Variants in ZNF138 observed in about 807,000 individuals in gnomAD.
The protein encoded by ZNF138 is zinc finger protein 138 (clone pHZ-32).
ZNF138 carries 33 observed loss-of-function variants against 33.0 expected under a neutral mutation model. The observed-to-expected ratio is 1.00, with a 90% CI of 0.76 to 1.34. The LOEUF is 1.34. Ranked by LOEUF, ZNF138 falls within the 40% of genes most tolerant of loss-of-function variation. ZNF138 has a pLI of 0.00. For missense variants in ZNF138, 360 were observed against 370.8 expected (o/e 0.97, Z 0.24); for synonymous variants, 139 against 120.4 (o/e 1.15, Z -1.01).
At chr7:64,814,851 A>G in intron 1 of ZNF138, 67 bp from the exon 2 acceptor site, 1 of 1,597,058 alleles carries the variant, frequency 6.3e-7, no homozygotes, top group South Asian at 1.1e-5. Context: ...CCTTGAGTCA[A>G]ATTTAAAATT....
chr7:64,860,199 T>C, the ZNF138 span, among the ~76,000 whole-genome samples: 3 of 152,212 alleles, frequency 2.0e-5, no homozygotes, highest in Non-Finnish European at 4.4e-5. Flanking sequence ...ACTGTCATAT[T>C]TTTATGTTTA....
chr7:64,803,258 G>GTTTTTTT (rs60101981), intron 1 of ZNF138, among the ~76,000 whole-genome samples: 20 of 113,050 alleles, frequency 1.8e-4, no homozygotes, highest in African/African-American at 6.3e-4. Context: ...TTTGGCAAAG[G>GTTTTTTT]TTTTTTTTTT....
chr7:64,845,238 C>T, the ZNF138 span, among the ~76,000 whole-genome samples: 1 of 152,194 alleles, frequency 6.6e-6, no homozygotes, highest in Admixed American at 6.5e-5. Flanking sequence ...TCAGTCCTAT[C>T]CAGGCTGCTG....
chr7:64,836,517 C>CTCA (rs1042751321), downstream of ZNF138: 3 of 149,578 alleles, frequency 2.0e-5, no homozygotes, highest in African/African-American at 7.4e-5. Context: ...AAGTTCTGTG[C>CTCA]TCATATAGTC....
chr7:64,842,907 A>G, the ZNF138 span, among the ~76,000 whole-genome samples: 1 of 152,224 alleles, frequency 6.6e-6, no homozygotes, highest in Non-Finnish European at 1.5e-5. Flanking sequence ...ACTATGCTGT[A>G]CAAAACAATC....
At chr7:64,853,404 C>T in the ZNF138 span, 2,595 of 1,101,584 alleles carry the variant, frequency 2.4e-3, 52 homozygotes, top group African/African-American at 0.036. Flanking sequence ...CTTCCCTCTG[C>T]GAGTTGGCTG....
At chr7:64,826,084 C>T (rs1789588404) in intron 3 of ZNF138, among the ~76,000 whole-genome samples, 1 of 150,638 alleles carries the variant, frequency 6.6e-6, no homozygotes. Flanking sequence ...TGAATAGCCC[C>T]CCTTGGCCTC....
At chr7:64,836,441 C>T (rs757085854), downstream of ZNF138, 3 of 152,056 alleles carry the variant, frequency 2.0e-5, no homozygotes, top group African/African-American at 4.8e-5. Context: ...GAGGCTAAGT[C>T]GGATAACCCT....
At chr7:64,837,206 T>G (rs1790393619), downstream of ZNF138, among the ~76,000 whole-genome samples, 1 of 152,088 alleles carries the variant, frequency 6.6e-6, no homozygotes, top group Admixed American at 6.5e-5. Context: ...GGTGCCCTCT[T>G]AAGATGGGAA....
At chr7:64,831,136 C>T in intron 3 of ZNF138, 1 of 1,538,168 alleles carries the variant, frequency 6.5e-7, no homozygotes, top group Non-Finnish European at 8.8e-7. Flanking sequence ...CAGTTTACTT[C>T]TAGAGGCACT....
At chr7:64,840,718 A>G in the ZNF138 span, among the ~76,000 whole-genome samples, 1 of 94,450 alleles carries the variant, frequency 1.1e-5, no homozygotes, top group African/African-American at 4.4e-5. Context: ...TTCTGCTTAA[A>G]CATTTAAAAA....
rs1787860967 is a variant in ZNF138 at position 64,809,134 on chromosome 7, G to A, written c.4-5784G>A. On this transcript the variant is annotated intron_variant, in intron 1 of 3. Coordinates refer to ENST00000307355, the MANE Select transcript of ZNF138 (RefSeq NM_001271639.2). ...CAGACGGGGTGGTGGCCGGGCAGAG[G>A]GGCTCCTCACTTCCCAGTAGGGGCG... 3.4e-5 allele frequency among the ~76,000 whole-genome samples: 4 copies of A among 117,796 alleles called. No homozygotes were observed. In the East Asian group the frequency reaches 1.1e-3, roughly 32 times the overall value. 77.3% of individuals were successfully genotyped at this position (117,796 alleles called of 152,430 possible).
chr7:64,817,591 TG>T (rs1788764250), intron 3 of ZNF138, among the ~76,000 whole-genome samples: 1 of 152,150 alleles, frequency 6.6e-6, no homozygotes, highest in Admixed American at 6.5e-5. Flanking sequence ...AATTCTCCAA[TG>T]TGAATGTACC....
At chr7:64,847,330 A>AT in the ZNF138 span, among the ~76,000 whole-genome samples, 12 of 111,354 alleles carry the variant, frequency 1.1e-4, no homozygotes, top group African/African-American at 4.0e-4. Context: ...ATATATATAT[A>AT]TATTTTTTTT....
intron 1 of ZNF138, among the ~76,000 whole-genome samples, chr7:64,809,680 AG>A (rs1787965310): frequency 6.9e-6 from 1 of 143,974 alleles, no homozygotes; most frequent in Non-Finnish European, 1.5e-5. Flanking sequence ...TGCCGGGCGG[AG>A]GGGCTCCTCA....
In ZNF138 at chr7:64,805,493, C is replaced by T. The variant is rs1024745884; in HGVS notation, c.4-9425C>T. Among the ~76,000 whole-genome samples, 7 of 152,166 alleles carry T rather than the reference C, an allele frequency of 4.6e-5. No homozygotes were observed. In the South Asian group the frequency reaches 1.2e-3, roughly 27 times the overall value. On this transcript the variant is annotated intron_variant, in intron 1 of 3. Transcript: ENST00000307355. Reference sequence around the variant, plus strand: ...ATTCTACCTAGGAGTCCTGCAGGCTCCTCCTGCAGTTCAGGCCTCACTCCG... The same window carrying T: ...ATTCTACCTAGGAGTCCTGCAGGCTTCTCCTGCAGTTCAGGCCTCACTCCG...
chr7:64,831,390 G>A, intron 3 of ZNF138, 61 bp from the exon 4 acceptor site: 1 of 1,389,878 alleles, frequency 7.2e-7, no homozygotes, highest in Non-Finnish European at 9.8e-7. Flanking sequence ...GGTTAGATTT[G>A]TAAAGTATAT....
rs770796502 is a variant in ZNF138 at position 64,832,031 on chromosome 7, C to T, written c.789C>T (p.Ser263=). The change falls in exon 4 of 4, where the codon TCC becomes TCT. Residue 263 remains serine, a synonymous_variant. Transcript: ENST00000307355. ...ACTGTGGCAAAGCCTTTAAACAGTC[C>T]TCACACCTTACTAGACATAAGATAA... ...CAHCGKAFKQ[S]SHLTRHKIIH... The T allele has an allele frequency of 5.0e-6, 8 of 1,613,598 alleles. No homozygotes were observed. The South Asian group carries it at 7.7e-5, about 16-fold the overall frequency.
At chr7:64,818,853 C>G (rs1285068800) in intron 3 of ZNF138, among the ~76,000 whole-genome samples, 1 of 152,078 alleles carries the variant, frequency 6.6e-6, no homozygotes, top group East Asian at 1.9e-4. Flanking sequence ...GTGGATGGCA[C>G]TAATTCAAAA....
Sources: allele counts gnomAD v4.1 joint callset (sites outside exome capture counted in the v4.1 genomes callset), GRCh38; gene constraint gnomAD v4.1.1; transcripts MANE v1.5; gene names NCBI Gene and HGNC (gene_info 2026-07-23, HGNC 2026-07-21).